KIAA2012: variants seen among roughly 807,000 people sequenced by gnomAD.
The protein encoded by KIAA2012 is uncharacterized protein KIAA2012.
Under a neutral mutation model 150.6 loss-of-function variants are expected in KIAA2012, and 125 were observed. The observed-to-expected ratio is 0.83, with a 90% CI of 0.72 to 0.96. KIAA2012 has a LOEUF of 0.96. KIAA2012 is among the 40% of genes least tolerant of loss of function. The pLI is 0.00. For missense variants in KIAA2012, 1,219 were observed against 1,354.9 expected, an observed-to-expected ratio of 0.90 and a Z score of 1.57; for synonymous variants, 462 against 504.7, an observed-to-expected ratio of 0.92 and a Z score of 1.13.
At chr2:202,190,145 T>C in intron 18 of KIAA2012, 29 bp from the exon 19 acceptor site, 2 of 1,480,522 alleles carry the variant, frequency 1.4e-6, no homozygotes, top group Non-Finnish European at 9.0e-7. Context: ...AACTCAGCTA[T>C]ATCTCTATCC....
intron 11 of KIAA2012, among the ~76,000 whole-genome samples, chr2:202,121,576 T>A (rs1035901702): frequency 6.6e-6 from 1 of 152,210 alleles, no homozygotes; most frequent in Non-Finnish European, 1.5e-5. Context: ...GCTATGCATG[T>A]CATCTTGTTC....
At chr2:202,180,796 G>A (rs1014806542) in intron 15 of KIAA2012, among the ~76,000 whole-genome samples, 6 of 152,192 alleles carry the variant, frequency 3.9e-5, no homozygotes, top group Non-Finnish European at 8.8e-5. Flanking sequence ...CTGCACTCCA[G>A]CCTGGGCGAC....
chr2:202,196,014 T>C (rs1692406342), intron 21 of KIAA2012, among the ~76,000 whole-genome samples: 1 of 152,096 alleles, frequency 6.6e-6, no homozygotes, highest in Non-Finnish European at 1.5e-5. Flanking sequence ...CTCCTCAACA[T>C]GCTCATCTCC....
intron 16 of KIAA2012, among the ~76,000 whole-genome samples, chr2:202,186,305 G>A (rs977917506): frequency 6.6e-6 from 1 of 152,168 alleles, no homozygotes; most frequent in Non-Finnish European, 1.5e-5. Context: ...CTAAGGTCAG[G>A]AGTTTGAGAC....
rs573618621 is a variant in KIAA2012, at chr2:202,201,295, A to T, written c.3408-1134A>T. 2.1e-5 allele frequency: 33 copies of T among 1,581,500 alleles called. 1 individual carries two copies. In the South Asian group the frequency reaches 3.4e-4, roughly 17 times the overall value. On this transcript the variant is annotated intron_variant, in intron 22 of 23. Transcript: ENST00000498697. ...CAACATGTGTCTAAACTGCAACTTC[A>T]GGTTAATATGACTACAGCAGTTACA...
At position 202,188,244 on chromosome 2, in the gene KIAA2012, CG is replaced by C. The variant is rs1559232949; in HGVS notation, c.2472del (p.Gln825LysfsTer18). The C allele has an allele frequency of 1.3e-6, 2 of 1,550,104 alleles. No individual in the cohort carries two copies. The highest frequency in any genetic ancestry group is 1.7e-6 in the Non-Finnish European group (2 of 1,146,806). ...AAAGCGAGAGAGAAGGAAAGGTCTA[CG>C]GGCAAGCAGAGGCTGCCATTGGTAA... is the stretch of plus-strand genomic sequence containing the variant. Reference protein sequence around the residue: ...PKSEREGKVYGQAEAAIGKSK... With the variant: ...PKSEREGKVYXQAEAAIGKSK... On this transcript the variant is annotated frameshift_variant, in exon 18 of 24. Transcript: ENST00000498697. LOFTEE classifies it high-confidence loss of function.
At chr2:202,204,633 T>C (rs1172331205) in intron 23 of KIAA2012, among the ~76,000 whole-genome samples, 1 of 152,220 alleles carries the variant, frequency 6.6e-6, no homozygotes, top group African/African-American at 2.4e-5. Flanking sequence ...ATTTGCTTTC[T>C]ACAGAAATTA....
chr2:202,099,586 C>T, intron 5 of KIAA2012, 27 bp from the exon 6 acceptor site: 1 of 1,528,066 alleles, frequency 6.5e-7, no homozygotes, highest in African/African-American at 1.4e-5. Context: ...AGCCTGTTTA[C>T]AGGAATGTGT....
intron 22 of KIAA2012, chr2:202,197,820 A>G (rs988456960): frequency 4.0e-5 from 6 of 149,210 alleles, no homozygotes; most frequent in African/African-American, 1.5e-4. Context: ...GCTAAAATCA[A>G]GTCACCACAC....
intron 13 of KIAA2012, among the ~76,000 whole-genome samples, chr2:202,148,578 C>T (rs1691351343): frequency 1.3e-5 from 2 of 152,178 alleles, no homozygotes; most frequent in Middle Eastern, 3.4e-3. Flanking sequence ...GCAGGATGAC[C>T]CCAGGTGACA....
intron 14 of KIAA2012, among the ~76,000 whole-genome samples, chr2:202,155,364 C>G (rs1233746330): frequency 6.6e-6 from 1 of 152,120 alleles, no homozygotes; most frequent in Non-Finnish European, 1.5e-5. Flanking sequence ...GCAATACTCC[C>G]TCCCACCCCA....
chr2:202,201,563 G>T (rs4673234), intron 22 of KIAA2012: 1,330,390 of 1,610,122 alleles, frequency 0.83, 550,644 homozygotes, highest in East Asian at 0.91. Context: ...CATCATACCC[G>T]CCTTCCACCA....
intron 2 of KIAA2012, among the ~76,000 whole-genome samples, chr2:202,076,077 C>T (rs1689317097): frequency 6.6e-6 from 1 of 152,238 alleles, no homozygotes; most frequent in East Asian, 1.9e-4. Flanking sequence ...CTACAGCTGG[C>T]AAGCTCCCAC....
At chr2:202,130,119 T>C (rs1233015146) in intron 12 of KIAA2012, among the ~76,000 whole-genome samples, 1 of 152,234 alleles carries the variant, frequency 6.6e-6, no homozygotes, top group East Asian at 1.9e-4. Context: ...GGACTCGTGA[T>C]GGAAGTAAGA....
chr2:202,154,645 A>T, intron 13 of KIAA2012, 28 bp from the exon 14 acceptor site: 1 of 1,517,294 alleles, frequency 6.6e-7, no homozygotes, highest in South Asian at 1.3e-5. Flanking sequence ...TTCATATGAA[A>T]GTTCGGGCTT....
intron 14 of KIAA2012, among the ~76,000 whole-genome samples, chr2:202,157,433 C>A (rs1285538146): frequency 2.6e-5 from 4 of 152,114 alleles, no homozygotes; most frequent in Admixed American, 2.6e-4. Context: ...TTGCCTGGGG[C>A]ATGTAGGAAG....
intron 15 of KIAA2012, among the ~76,000 whole-genome samples, chr2:202,174,220 C>A (rs986348797): frequency 6.6e-6 from 1 of 152,176 alleles, no homozygotes; most frequent in Non-Finnish European, 1.5e-5. Context: ...CCTCCTGGGC[C>A]TCCCAAAGTG....
chr2:202,136,501 C>T (rs1691064728), intron 12 of KIAA2012: 2 of 152,550 alleles, frequency 1.3e-5, no homozygotes, highest in Admixed American at 1.3e-4. Flanking sequence ...CTCCAAGGCC[C>T]CACCCCACCC....
In KIAA2012 at chr2:202,103,034, C is replaced by T. The variant is rs755764235; in HGVS notation, c.1244C>T (p.Pro415Leu). The T allele has an allele frequency of 1.6e-5, 25 of 1,550,388 alleles. No individual in the cohort carries two copies. The highest frequency in any genetic ancestry group is 7.8e-5 in the Admixed American group (4 of 50,984). ...PLKSQFKANE[P>L]PTELFILPVE... ...AAGAGCCAATTTAAAGCCAATGAGC[C>T]CCCAACAGAGCTCTTCATCTTACCG... The change falls in exon 8 of 24, where the codon CCC (proline) becomes CTC (leucine). Residue 415 changes from proline to leucine, a missense_variant. Coordinates refer to ENST00000498697, the MANE Select transcript of KIAA2012 (RefSeq NM_001277372.4).
Sources: gnomAD v4.1 joint callset for allele counts (sites outside exome capture counted in the v4.1 genomes callset) on GRCh38, gnomAD v4.1.1 for gene constraint, MANE v1.5 for transcripts, NCBI Gene and HGNC (gene_info 2026-07-23, HGNC 2026-07-21) for gene names.